Variants in MFHAS1 observed in about 807,000 individuals in gnomAD.
The protein encoded by MFHAS1 is malignant fibrous histiocytoma-amplified sequence 1.
In MFHAS1, 50 loss-of-function variants were observed where a neutral mutation model predicts 70.4. The observed-to-expected ratio is 0.71, with a 90% CI of 0.57 to 0.90. The LOEUF (loss-of-function observed/expected upper bound fraction) is 0.90, where lower values mean the gene tolerates loss of function less well. MFHAS1 is among the 40% of genes least tolerant of loss of function. MFHAS1 has a pLI of 0.00. For missense variants in MFHAS1, 1,795 were observed against 1,347.6 expected (o/e 1.33, Z -5.20); for synonymous variants, 952 against 620.0 (o/e 1.54, Z -7.96).
intron 2 of MFHAS1, among the ~76,000 whole-genome samples, chr8:8,791,537 C>A (rs145534286): frequency 9.2e-5 from 14 of 152,290 alleles, no homozygotes; most frequent in Non-Finnish European, 1.5e-4. Context: ...AAGCATTCTG[C>A]AGGAACCCTA....
chr8:8,821,598 T>C (rs142115767), intron 1 of MFHAS1, among the ~76,000 whole-genome samples: 92 of 150,046 alleles, frequency 6.1e-4, no homozygotes, highest in African/African-American at 2.2e-3. Context: ...TTTTTAAATA[T>C]CGCACAAAAA....
At position 8,892,882 on chromosome 8, in the gene MFHAS1, C is replaced by T. The variant is rs747103343; in HGVS notation, c.177G>A (p.Pro59=). 1.1e-5 allele frequency: 18 copies of T among 1,584,440 alleles called. No individual in the cohort carries two copies. The highest frequency in any genetic ancestry group is 9.1e-5 in the South Asian group (8 of 87,554). The change falls in exon 1 of 3, where the codon CCG becomes CCA. Residue 59 remains proline, a synonymous_variant. Transcript: ENST00000276282. The surrounding 1 kb of genome is among the most constrained non-coding windows in gnomAD (Gnocchi z 4.7). ...ESPASPQLVL[P]ANLGDIEALN... is the part of the protein sequence containing the mutation. The stretch of plus-strand genomic sequence containing the variant: ...GTGCCTCAATGTCCCCGAGGTTGGC[C>T]GGCAGCACGAGCTGGGGGGAGGCGG...
At chr8:8,877,603 TCCGACATAGTGAAAGTG>T (rs985241981) in intron 1 of MFHAS1, among the ~76,000 whole-genome samples, 2 of 152,184 alleles carry the variant, frequency 1.3e-5, no homozygotes, top group African/African-American at 4.8e-5. Context: ...CTCCCTCTAC[TCCGACATAGTGAAAGTG>T]ACCAGCAGCA....
At chr8:8,860,500 G>A (rs1421520962) in intron 1 of MFHAS1, among the ~76,000 whole-genome samples, 6 of 152,216 alleles carry the variant, frequency 3.9e-5, no homozygotes, top group Admixed American at 1.3e-4. Context: ...GCATCAAGGT[G>A]ACCAACCTAC....
chr8:8,836,004 C>T (rs1807581109), intron 1 of MFHAS1, among the ~76,000 whole-genome samples: 1 of 152,134 alleles, frequency 6.6e-6, no homozygotes, highest in Non-Finnish European at 1.5e-5. Context: ...GCCTGCGAAG[C>T]GAGAAATAAT....
intron 1 of MFHAS1, among the ~76,000 whole-genome samples, chr8:8,827,537 A>C (rs1005702774): frequency 8.5e-5 from 13 of 152,204 alleles, no homozygotes; most frequent in Non-Finnish European, 1.9e-4. Flanking sequence ...TCACAAGCTC[A>C]CTTCTAGCAA....
chr8:8,785,808 G>T lies in MFHAS1; in HGVS notation c.*214C>A. The T allele has an allele frequency of 8.6e-6, 4 of 466,880 alleles. No homozygotes were observed. Among genetic ancestry groups the T allele is most frequent in the Non-Finnish European group, 7.8e-6 (2 of 255,302 alleles). 28.9% of individuals were successfully genotyped at this position (466,880 alleles called of 1,614,324 possible). ...GGATCACAGTTCTGAGGTTCAGGTT[G>T]TAAAACATTTGCTCCATGTTCTCGT... On this transcript the variant is annotated 3_prime_UTR_variant, in exon 3 of 3. Transcript: ENST00000276282.
intron 1 of MFHAS1, among the ~76,000 whole-genome samples, chr8:8,815,041 A>T (rs551782190): frequency 1.3e-5 from 2 of 151,836 alleles, no homozygotes; most frequent in African/African-American, 4.8e-5. Flanking sequence ...CACAGGCCCC[A>T]GTGTGTGTTG....
Position 8,882,413 on chromosome 8 carries a change from C to CAAAA in MFHAS1, c.2998+7644_2998+7647dup, listed in dbSNP as rs1290634784. Among the ~76,000 whole-genome samples the CAAAA allele has an allele frequency of 4.0e-5, 6 of 151,548 alleles. No individual in the cohort carries two copies. The East Asian group carries it at 1.2e-3, about 29-fold the overall frequency. On this transcript the variant is annotated intron_variant, in intron 1 of 2. Coordinates refer to ENST00000276282, the MANE Select transcript of MFHAS1 (RefSeq NM_004225.3). ...CAAAACAAACAAACAAACAAACAAA[C>CAAAA]AAAATATCATAAACAACCAAAAAAG...
chr8:8,845,996 T>G (rs1233169496), intron 1 of MFHAS1, among the ~76,000 whole-genome samples: 1 of 152,044 alleles, frequency 6.6e-6, no homozygotes, highest in Admixed American at 6.5e-5. Flanking sequence ...CTAACACCTG[T>G]ATTCCCAGCA....
Position 8,784,253 on chromosome 8 carries a change from ATTAAATG to A in MFHAS1, c.*1762_*1768del, listed in dbSNP as rs1805456700. 1 of 147,522 alleles carries A rather than the reference ATTAAATG, an allele frequency of 6.8e-6. No homozygotes were observed. The highest frequency in any genetic ancestry group is 2.4e-5 in the African/African-American group (1 of 40,852). The allele number at this position is 147,522 out of a possible 1,614,324, so 9.1% of individuals were successfully genotyped here. A position where few individuals can be genotyped will look rare whatever the true frequency, so the allele number is the denominator to read the frequency against. Reference sequence around the variant, plus strand: ...CAACTATTCAATGGTCCAAAAAGCAATTAAATGTGACCATTCAGTTTTACACACATGC... The same window carrying A: ...CAACTATTCAATGGTCCAAAAAGCAATGACCATTCAGTTTTACACACATGC... On this transcript the variant is annotated 3_prime_UTR_variant, in exon 3 of 3. Transcript: ENST00000276282.
rs1402384675 is a variant in MFHAS1, at chr8:8,893,457, G to C, written c.-399C>G. Reference sequence around the variant, plus strand: ...CGGCCGGCAGCGGCGTCGCCTCCTCGAGCTCCTGGGGGAGGGCGGCGCTCG... The same window carrying C: ...CGGCCGGCAGCGGCGTCGCCTCCTCCAGCTCCTGGGGGAGGGCGGCGCTCG... On this transcript the variant is annotated 5_prime_UTR_variant, in exon 1 of 3. Coordinates refer to ENST00000276282, the MANE Select transcript of MFHAS1 (RefSeq NM_004225.3). 2 of 145,534 alleles carry C rather than the reference G, an allele frequency of 1.4e-5. No homozygotes were observed. The highest frequency in any genetic ancestry group is 4.9e-5 in the African/African-American group (2 of 40,484). 9.0% of individuals were successfully genotyped at this position (145,534 alleles called of 1,614,324 possible).
intron 1 of MFHAS1, among the ~76,000 whole-genome samples, chr8:8,828,279 C>T (rs1334044312): frequency 1.3e-5 from 2 of 152,322 alleles, no homozygotes; most frequent in East Asian, 3.8e-4. Flanking sequence ...AACTGTTTAA[C>T]AAGATAATGT....
chr8:8,869,586 C>T (rs1808991324), intron 1 of MFHAS1, among the ~76,000 whole-genome samples: 1 of 152,108 alleles, frequency 6.6e-6, no homozygotes, highest in South Asian at 2.1e-4. Flanking sequence ...CACCTGGTAT[C>T]CATCATAAGA....
At chr8:8,870,290 CAAAAAAAA>C (rs61229252) in intron 1 of MFHAS1, among the ~76,000 whole-genome samples, 7 of 113,116 alleles carry the variant, frequency 6.2e-5, no homozygotes, top group African/African-American at 1.5e-4. Context: ...CCTGTCTCTA[CAAAAAAAA>C]AAAAAAAAAA....
chr8:8,797,800 T>G (rs1192181514), intron 1 of MFHAS1, among the ~76,000 whole-genome samples: 1 of 152,176 alleles, frequency 6.6e-6, no homozygotes, highest in East Asian at 1.9e-4. Context: ...TCCAGGGATC[T>G]TTATCTAGAT....
intron 1 of MFHAS1, among the ~76,000 whole-genome samples, chr8:8,888,392 T>A (rs1215677427): frequency 6.6e-6 from 1 of 152,042 alleles, no homozygotes; most frequent in Non-Finnish European, 1.5e-5. Flanking sequence ...TCATCACCCC[T>A]CCGGGTCCCC....
At chr8:8,810,003 G>A (rs998749118) in intron 1 of MFHAS1, among the ~76,000 whole-genome samples, 13 of 152,252 alleles carry the variant, frequency 8.5e-5, no homozygotes, top group African/African-American at 2.6e-4. Flanking sequence ...TAAAACTAGC[G>A]CCCAAGGACC....
At chr8:8,808,727 A>C (rs1401365610) in intron 1 of MFHAS1, among the ~76,000 whole-genome samples, 1 of 152,224 alleles carries the variant, frequency 6.6e-6, no homozygotes, top group African/African-American at 2.4e-5. Flanking sequence ...AAGACATTAC[A>C]TTTGTGGGCA....
Sources: gnomAD v4.1 joint callset for allele counts (sites outside exome capture counted in the v4.1 genomes callset) on GRCh38, gnomAD v4.1.1 for gene constraint, Gnocchi (gnomAD v3.1) non-coding constraint, MANE v1.5 for transcripts, NCBI Gene and HGNC (gene_info 2026-07-23, HGNC 2026-07-21) for gene names.